The following CHD7 variants were observed in gnomAD, a reference collection of about 807,000 sequenced individuals.
The protein encoded by CHD7 is ATP-dependent chromatin remodeler CHD7.
CHD7 carries 24 observed loss-of-function variants against 307.3 expected under a neutral mutation model. The observed-to-expected ratio is 0.08, with a 90% CI of 0.06 to 0.11. The LOEUF (loss-of-function observed/expected upper bound fraction) is 0.11, where lower values mean the gene tolerates loss of function less well. Among genes scored for constraint, CHD7 ranks in the 10% least tolerant of loss-of-function variants. The pLI, the probability that CHD7 is intolerant of heterozygous loss-of-function variation, is 1.00. For synonymous variants in CHD7, 1,363 were observed against 1,349.9 expected, an observed-to-expected ratio of 1.01 and a Z score of -0.21; for missense variants, 3,106 against 3,727.1, an observed-to-expected ratio of 0.83 and a Z score of 4.34.
At chr8:60,679,443 G>GC (rs897928635) in intron 1 of CHD7, 1 of 145,924 alleles carries the variant, frequency 6.9e-6, no homozygotes, top group East Asian at 2.0e-4. Context: ...CGGCGTGGGG[G>GC]GGGGGTACGG....
In CHD7 at chr8:60,722,354, G is replaced by T. The variant is rs1468669905; in HGVS notation, c.-174-18905G>T. Among the ~76,000 whole-genome samples the T allele has an allele frequency of 2.6e-5, 4 of 152,282 alleles. No homozygotes were observed. In the East Asian group the frequency reaches 7.7e-4, roughly 29 times the overall value. ...TGCTTTTCATATCCAGGGTATTGTA[G>T]TTGAAAGGTCTTTTTTTGGATTTCT... On this transcript the variant is annotated intron_variant, in intron 1 of 37. Coordinates refer to ENST00000423902, the MANE Select transcript of CHD7 (RefSeq NM_017780.4).
intron 1 of CHD7, among the ~76,000 whole-genome samples, chr8:60,720,641 C>T (rs1255789203): frequency 6.6e-6 from 1 of 152,198 alleles, no homozygotes; most frequent in Non-Finnish European, 1.5e-5. Context: ...GCACCCTTCT[C>T]CGTTCTGGTA....
chr8:60,842,730 T>C (rs1805027861), intron 21 of CHD7, among the ~76,000 whole-genome samples: 1 of 152,194 alleles, frequency 6.6e-6, no homozygotes, highest in Non-Finnish European at 1.5e-5. Context: ...TTTCTACAGA[T>C]CTGATGACGT....
At chr8:60,705,403 A>G (rs1806976357) in intron 1 of CHD7, among the ~76,000 whole-genome samples, 1 of 152,252 alleles carries the variant, frequency 6.6e-6, no homozygotes, top group Non-Finnish European at 1.5e-5. Flanking sequence ...ATGAATGCAT[A>G]AACATGCTTA....
intron 15 of CHD7, among the ~76,000 whole-genome samples, chr8:60,832,290 G>T (rs537361707): frequency 3.0e-4 from 46 of 152,246 alleles, no homozygotes; most frequent in Non-Finnish European, 2.6e-4. Context: ...CTCCCAAAGT[G>T]CTGGGATTAC....
intron 2 of CHD7, among the ~76,000 whole-genome samples, chr8:60,750,800 A>G (rs1809606180): frequency 6.6e-6 from 1 of 152,220 alleles, no homozygotes; most frequent in Admixed American, 6.5e-5. Flanking sequence ...AGTTGCTGCA[A>G]ATTCTTTTTA....
At chr8:60,697,516 A>C (rs1382649875) in intron 1 of CHD7, among the ~76,000 whole-genome samples, 1 of 152,244 alleles carries the variant, frequency 6.6e-6, no homozygotes, top group Non-Finnish European at 1.5e-5. Flanking sequence ...GGTTGTTGGT[A>C]ACATAAGACT....
chr8:60,811,586 G>A (rs1812809979), intron 7 of CHD7, among the ~76,000 whole-genome samples: 1 of 152,146 alleles, frequency 6.6e-6, no homozygotes, highest in Non-Finnish European at 1.5e-5. Flanking sequence ...GTATGTGGGT[G>A]TGTAAGTGGC....
At chr8:60,824,064 C>G (rs776240617) in intron 13 of CHD7, 48 bp downstream of exon 13, 2 of 1,533,764 alleles carry the variant, frequency 1.3e-6, no homozygotes, top group South Asian at 1.2e-5. Flanking sequence ...AGAATTGTTG[C>G]TGACTTGATA....
chr8:60,697,186 C>T (rs531934093), intron 1 of CHD7, among the ~76,000 whole-genome samples: 1 of 152,266 alleles, frequency 6.6e-6, no homozygotes, highest in Admixed American at 6.5e-5. Flanking sequence ...ACAGTTTATT[C>T]TGTCTTGGAG....
At chr8:60,819,670 C>T (rs1269150700) in intron 8 of CHD7, among the ~76,000 whole-genome samples, 1 of 152,188 alleles carries the variant, frequency 6.6e-6, no homozygotes, top group Admixed American at 6.5e-5. Context: ...ACTGTAGTTT[C>T]GAGAATGCTA....
At chr8:60,836,687 G>A (rs1804756954) in intron 16 of CHD7, 130 bp from the exon 17 acceptor site, 1 of 620,934 alleles carries the variant, frequency 1.6e-6, no homozygotes, top group African/African-American at 1.9e-5. Context: ...TTTGCTCTGA[G>A]ATTAGTTCTG....
At chr8:60,835,696 T>C (rs1804711758) in intron 15 of CHD7, among the ~76,000 whole-genome samples, 1 of 152,258 alleles carries the variant, frequency 6.6e-6, no homozygotes, top group Admixed American at 6.5e-5. Context: ...GTTCAGCTAG[T>C]AAACATTTCT....
chr8:60,714,671 C>G (rs1432207519), intron 1 of CHD7, among the ~76,000 whole-genome samples: 1 of 152,132 alleles, frequency 6.6e-6, no homozygotes, highest in Non-Finnish European at 1.5e-5. Context: ...TGTTCCGAGC[C>G]CTTCTTGCCA....
At chr8:60,720,643 G>A (rs569879013) in intron 1 of CHD7, among the ~76,000 whole-genome samples, 2 of 152,128 alleles carry the variant, frequency 1.3e-5, no homozygotes, top group African/African-American at 2.4e-5. Context: ...ACCCTTCTCC[G>A]TTCTGGTAGA....
rs936178774 is a variant in CHD7, at chr8:60,795,229, C to T, written c.2238+102C>T. Reference sequence around the variant, plus strand: ...CCTCCCCTATCTTGTTATAGAGATGCTCTTGAGATGTCTTTATTGTAGTCT... The same window carrying T: ...CCTCCCCTATCTTGTTATAGAGATGTTCTTGAGATGTCTTTATTGTAGTCT... On this transcript the variant is annotated intron_variant, in intron 4 of 37. Coordinates refer to ENST00000423902, the MANE Select transcript of CHD7 (RefSeq NM_017780.4). 22 of 1,110,412 alleles carry T rather than the reference C, an allele frequency of 2.0e-5. No individual in the cohort carries two copies. The African/African-American group carries it at 3.5e-4, about 18-fold the overall frequency. 68.8% of individuals were successfully genotyped at this position (1,110,412 alleles called of 1,614,324 possible).
chr8:60,743,091 G>T lies in CHD7; in HGVS notation c.1659G>T (p.Val553=). The T allele has an allele frequency of 6.2e-7, 1 of 1,612,944 alleles. No homozygotes were observed. The highest frequency in any genetic ancestry group is 8.5e-7 in the Non-Finnish European group (1 of 1,179,406). ...AGAACACCCCGCAGAAAGTGCCTGTGCATCAGGTAAGGGGACACAGAGCCT... is the reference window on the plus strand; with the variant it reads ...AGAACACCCCGCAGAAAGTGCCTGTTCATCAGGTAAGGGGACACAGAGCCT... ...SPQNTPQKVP[V]HQHSPSEPFL... is the part of the protein sequence containing the mutation. Residue 553 remains valine, a synonymous_variant, in exon 2 of 38, where the codon GTG becomes GTT. Transcript: ENST00000423902.
intron 2 of CHD7, among the ~76,000 whole-genome samples, chr8:60,779,956 G>C (rs752805393): frequency 1.3e-5 from 2 of 152,156 alleles, no homozygotes; most frequent in Non-Finnish European, 2.9e-5. Flanking sequence ...TATATGCCTG[G>C]CACATAGTAG....
At chr8:60,707,089 A>G (rs191963238) in intron 1 of CHD7, among the ~76,000 whole-genome samples, 20 of 152,310 alleles carry the variant, frequency 1.3e-4, no homozygotes, top group Admixed American at 3.9e-4. Context: ...GATCTTTTAA[A>G]ATAACATATT....
Sources: allele counts gnomAD v4.1 joint callset (sites outside exome capture counted in the v4.1 genomes callset), GRCh38; gene constraint gnomAD v4.1.1; transcripts MANE v1.5; gene names NCBI Gene and HGNC (gene_info 2026-07-23, HGNC 2026-07-21).